NECTIN3: variants seen among roughly 807,000 people sequenced by gnomAD.
The protein encoded by NECTIN3 is nectin cell adhesion molecule 3.
A neutral mutation model predicts 49.4 loss-of-function variants in NECTIN3; 8 were observed. The ratio of observed to expected loss-of-function variants is 0.16; its 90% CI spans 0.10 to 0.29. The LOEUF is 0.29. Ranked by LOEUF, NECTIN3 falls within the 10% of genes least tolerant of loss-of-function variation. The pLI, the probability that NECTIN3 is intolerant of heterozygous loss-of-function variation, is 1.00. For synonymous variants in NECTIN3, 277 were observed against 241.1 expected (o/e 1.15, Z -1.38); for missense variants, 581 against 654.6 (o/e 0.89, Z 1.23).
intron 4 of NECTIN3, among the ~76,000 whole-genome samples, chr3:111,125,545 G>A (rs1366187588): frequency 6.6e-6 from 1 of 152,124 alleles, no homozygotes. Flanking sequence ...AGCCAAATTA[G>A]TGTAAATACT....
At chr3:111,085,132 C>T (rs151168139) in intron 1 of NECTIN3, among the ~76,000 whole-genome samples, 128 of 152,284 alleles carry the variant, frequency 8.4e-4, no homozygotes, top group African/African-American at 2.9e-3. Flanking sequence ...AAAGTCATAT[C>T]GGATTAAGGG....
intron 5 of NECTIN3, among the ~76,000 whole-genome samples, chr3:111,130,943 A>G (rs1455379926): frequency 1.3e-5 from 2 of 152,056 alleles, no homozygotes; most frequent in Non-Finnish European, 2.9e-5. Flanking sequence ...AAGTGCCCCT[A>G]TGTCTAAAAC....
Position 111,118,839 on chromosome 3 carries a change from G to A in NECTIN3, c.686G>A (p.Ser229Asn). Residue 229 changes from serine (S) to asparagine (N), a missense_variant, in exon 3 of 6, where the codon AGC (serine) becomes AAC (asparagine). Ser to Asn is a conservative substitution (Grantham distance 46). Transcript: ENST00000485303. ...CCAAATGAAACGGCAACGATTATCA[G>A]CCAGTACAAGCTATTTCCAACCAGA... ...SFPNETATII[S>N]QYKLFPTRFA... is the part of the protein sequence containing the mutation. 6.2e-7 allele frequency: 1 copy of A among 1,614,138 alleles called. No homozygotes were observed. The highest frequency in any genetic ancestry group is 8.5e-7 in the Non-Finnish European group (1 of 1,180,026).
chr3:111,095,133 A>C (rs2032509390), intron 1 of NECTIN3, among the ~76,000 whole-genome samples: 1 of 152,182 alleles, frequency 6.6e-6, no homozygotes, highest in South Asian at 2.1e-4. Flanking sequence ...TTAACTTAAA[A>C]GTCATAGGTC....
At chr3:111,144,475 G>T (rs1164619139) in intron 5 of NECTIN3, among the ~76,000 whole-genome samples, 4 of 151,534 alleles carry the variant, frequency 2.6e-5, no homozygotes, top group Non-Finnish European at 5.9e-5. Context: ...TTTCAATTTT[G>T]TTAATAAATT....
rs2033690763 is a variant in NECTIN3 at position 111,116,382 on chromosome 3, A to T, written c.503-2274A>T. 2.6e-5 allele frequency among the ~76,000 whole-genome samples: 4 copies of T among 152,194 alleles called. No homozygotes were observed. The South Asian group carries it at 8.3e-4, about 32-fold the overall frequency. On this transcript the variant is annotated intron_variant, in intron 2 of 5. Coordinates refer to ENST00000485303, the MANE Select transcript of NECTIN3 (RefSeq NM_015480.3). The stretch of plus-strand genomic sequence containing the variant: ...CAGCACTTAGCTAGTATCATTCTAA[A>T]TCCATAGCCTAGGAATTAATTCATT...
At chr3:111,128,419 T>C (rs2034256612) in intron 5 of NECTIN3, among the ~76,000 whole-genome samples, 1 of 152,182 alleles carries the variant, frequency 6.6e-6, no homozygotes, top group Non-Finnish European at 1.5e-5. Flanking sequence ...ATTTATACTC[T>C]TTTATCATTC....
At chr3:111,180,822 A>T (rs2035612516) in intron 7 of NECTIN3, among the ~76,000 whole-genome samples, 1 of 152,208 alleles carries the variant, frequency 6.6e-6, no homozygotes, top group Non-Finnish European at 1.5e-5. Flanking sequence ...AGAATTTAAT[A>T]TGTACTTTTT....
intron 7 of NECTIN3, among the ~76,000 whole-genome samples, chr3:111,152,379 C>T (rs1264971758): frequency 2.0e-5 from 3 of 151,754 alleles, no homozygotes; most frequent in Non-Finnish European, 3.0e-5. Flanking sequence ...CCTGTTTCTC[C>T]ACAACCTCAC....
At chr3:111,140,046 G>A (rs1433406093), downstream of NECTIN3, among the ~76,000 whole-genome samples, 2 of 151,866 alleles carry the variant, frequency 1.3e-5, no homozygotes, top group South Asian at 2.1e-4. Context: ...TTCAGTGATT[G>A]AAAGGTCTGA....
intron 5 of NECTIN3, among the ~76,000 whole-genome samples, chr3:111,142,589 T>C (rs1348880448): frequency 6.6e-6 from 1 of 151,866 alleles, no homozygotes; most frequent in Non-Finnish European, 1.5e-5. Context: ...TTAAAAATAG[T>C]GTCTATTTAA....
rs369025184 is a variant in NECTIN3, at chr3:111,133,672, G to A, written c.1107G>A (p.Gln369=). 7.4e-6 allele frequency: 12 copies of A among 1,613,592 alleles called. No homozygotes were observed. Among genetic ancestry groups the A allele is most frequent in the Non-Finnish European group, 1.0e-5 (12 of 1,179,808 alleles). Residue 369 remains glutamine, a synonymous_variant, in exon 6 of 6, where the codon CAG becomes CAA. Coordinates refer to ENST00000485303, the MANE Select transcript of NECTIN3 (RefSeq NM_015480.3). The part of the protein sequence containing the change: ...PTTTTLQPTI[Q]WHPSTADIED... ...CTACCACCCTTCAGCCTACAATTCA[G>A]TGGCATCCCTCAACTGCTGACATCG...
At chr3:111,075,733 T>G (rs927681679) in intron 1 of NECTIN3, among the ~76,000 whole-genome samples, 1 of 152,184 alleles carries the variant, frequency 6.6e-6, no homozygotes, top group African/African-American at 2.4e-5. Context: ...AGATGAGTAT[T>G]CAGAATATTA....
intron 7 of NECTIN3, among the ~76,000 whole-genome samples, chr3:111,179,655 G>T (rs1376617525): frequency 8.5e-5 from 13 of 152,140 alleles, no homozygotes; most frequent in Admixed American, 8.5e-4. Context: ...AGCACTTTGG[G>T]AGGCCGAGAT....
chr3:111,172,631 T>C (rs987517079), intron 7 of NECTIN3, among the ~76,000 whole-genome samples: 1 of 152,200 alleles, frequency 6.6e-6, no homozygotes, highest in African/African-American at 2.4e-5. Context: ...TTATTGAACA[T>C]GCTAACAAAT....
In NECTIN3 at chr3:111,122,072, T is replaced by C. The variant is rs1353724962; in HGVS notation, c.800-49T>C. 5.6e-6 allele frequency: 7 copies of C among 1,241,218 alleles called. No homozygotes were observed. The South Asian group carries it at 7.5e-5, about 13-fold the overall frequency. 76.9% of individuals were successfully genotyped at this position (1,241,218 alleles called of 1,614,324 possible). A position where few individuals can be genotyped will look rare whatever the true frequency, so the allele number is the denominator to read the frequency against. ...TTAATATTTTATCATGTATATTGCA[T>C]TTATCATTAACAAAAGGTAATCTGT... is the stretch of plus-strand genomic sequence containing the variant. On this transcript the variant is annotated intron_variant, in intron 3 of 5. Transcript: ENST00000485303.
At chr3:111,129,496 A>G (rs976094514) in intron 5 of NECTIN3, among the ~76,000 whole-genome samples, 5 of 152,194 alleles carry the variant, frequency 3.3e-5, no homozygotes, top group Admixed American at 6.5e-5. Context: ...TTGTTGCATG[A>G]ATGAATAAAT....
At chr3:111,078,490 C>T (rs7433877) in intron 1 of NECTIN3, among the ~76,000 whole-genome samples, 8,096 of 152,154 alleles carry the variant, frequency 0.053, 308 homozygotes, top group African/African-American at 0.092. Context: ...TAATGATATA[C>T]CCCCTCATGG....
At chr3:111,111,294 G>A (rs779708993) in intron 1 of NECTIN3, among the ~76,000 whole-genome samples, 1 of 152,144 alleles carries the variant, frequency 6.6e-6, no homozygotes, top group African/African-American at 2.4e-5. Context: ...GAAGAAGTTT[G>A]ATGTCATTTT....
Sources: allele counts gnomAD v4.1 joint callset (sites outside exome capture counted in the v4.1 genomes callset), GRCh38; gene constraint gnomAD v4.1.1; transcripts MANE v1.5; gene names NCBI Gene and HGNC (gene_info 2026-07-23, HGNC 2026-07-21).